Variants in DENND1C observed in about 807,000 individuals in gnomAD.
DENND1C encodes DENN domain-containing protein 1C.
In DENND1C, 64 loss-of-function variants were observed where a neutral mutation model predicts 87.9. The observed-to-expected ratio is 0.73, with a 90% CI of 0.60 to 0.90. The LOEUF is 0.90. Ranked by LOEUF, DENND1C falls within the 40% of genes least tolerant of loss-of-function variation. DENND1C has a pLI of 0.00. For synonymous variants in DENND1C, 384 were observed against 424.4 expected (o/e 0.90, Z 1.17); for missense variants, 980 against 1,037.0 (o/e 0.95, Z 0.76).
intron 1 of DENND1C, chr19:6,480,525 T>TCCAC (rs901126058): frequency 1.3e-5 from 12 of 913,014 alleles, no homozygotes; most frequent in African/African-American, 1.3e-4. Flanking sequence ...CATCCATCCA[T>TCCAC]CCACCCACCC....
In DENND1C at chr19:6,467,353, TAG is replaced by T; in HGVS notation, c.*149_*150del. On this transcript the variant is annotated 3_prime_UTR_variant, in exon 23 of 23. Transcript: ENST00000381480. ...CTGGAATTCCCTGCTAGGAGCCAGT[TAG>T]AGAGGCTGCCCTTGGAGGGACAGAG... 1 of 1,074,136 alleles carries T rather than the reference TAG, an allele frequency of 9.3e-7. No individual in the cohort carries two copies. Among genetic ancestry groups the T allele is most frequent in the Non-Finnish European group, 1.3e-6 (1 of 795,900 alleles). The allele number at this position is 1,074,136 out of a possible 1,614,324, so 66.5% of individuals were successfully genotyped here. A position where few individuals can be genotyped will look rare whatever the true frequency, so the allele number is the denominator to read the frequency against.
chr19:6,474,890 G>C (rs1409178455), intron 14 of DENND1C, among the ~76,000 whole-genome samples: 1 of 152,034 alleles, frequency 6.6e-6, no homozygotes, highest in Non-Finnish European at 1.5e-5. Flanking sequence ...CCAACATGGA[G>C]AAACCCCGTT....
intron 14 of DENND1C, among the ~76,000 whole-genome samples, chr19:6,474,017 A>T (rs1214248180): frequency 6.6e-6 from 1 of 152,092 alleles, no homozygotes; most frequent in Non-Finnish European, 1.5e-5. Flanking sequence ...TAACATGGTG[A>T]AACCCCATCT....
intron 19 of DENND1C, 37 bp downstream of exon 19, chr19:6,469,559 C>T (rs748863980): frequency 1.3e-6 from 2 of 1,586,210 alleles, no homozygotes; most frequent in Non-Finnish European, 1.7e-6. Flanking sequence ...GCTGGGATTA[C>T]AGGGGTGAGC....
At position 6,468,636 on chromosome 19, in the gene DENND1C, G is replaced by A; in HGVS notation, c.1525C>T (p.Leu509Phe). 2 of 1,490,628 alleles carry A rather than the reference G, an allele frequency of 1.3e-6. No individual in the cohort carries two copies. Among genetic ancestry groups the A allele is most frequent in the Non-Finnish European group, 8.9e-7 (1 of 1,123,156 alleles). The allele number at this position is 1,490,628 out of a possible 1,614,324, so 92.3% of individuals were successfully genotyped here. ...AGCTGGCGTCTCCTGCTGGGGCGAA[G>A]GGGCCGGTTCTGCAAAGGGTGGGGG... is the stretch of plus-strand genomic sequence containing the variant. ...ITQHFGKNRPLRPSRRRQLEE... is the reference protein window; with the variant it reads ...ITQHFGKNRPFRPSRRRQLEE... The change falls in exon 21 of 23, where the codon CTT becomes TTT. Residue 509 changes from leucine to phenylalanine, a missense_variant. Leu to Phe is a conservative substitution (Grantham distance 22). Transcript: ENST00000381480.
chr19:6,473,443 G>A (rs4807086), intron 14 of DENND1C, among the ~76,000 whole-genome samples: 77,465 of 148,074 alleles, frequency 0.52, 21,282 homozygotes, highest in Non-Finnish European at 0.62. Flanking sequence ...GTGAGCCACC[G>A]CGCCCAGCCC....
chr19:6,477,435 A>G lies in DENND1C; in HGVS notation c.390T>C (p.Leu130=). ...ACAGGGACTGCTGAAACAGATTTTG[A>G]AGAAGTTCCTCTGCCTCGGTGACCT... ...QDQVTEAEEL[L]QNLFQQSLSG... The change falls in exon 7 of 23, where the codon CTT becomes CTC. Residue 130 remains leucine (L), a synonymous_variant. Transcript: ENST00000381480. 6.2e-7 allele frequency: 1 copy of G among 1,612,898 alleles called. No individual in the cohort carries two copies. The highest frequency in any genetic ancestry group is 8.5e-7 in the Non-Finnish European group (1 of 1,179,578).
At chr19:6,473,816 G>GGGGGGGGGGGGGGGGCAA (rs1231177042) in intron 14 of DENND1C, among the ~76,000 whole-genome samples, 1 of 131,692 alleles carries the variant, frequency 7.6e-6, no homozygotes, top group Non-Finnish European at 1.6e-5. Flanking sequence ...GGGGGGTGGG[G>GGGGGGGGGGGGGGGGCAA]GGAGGGAAAT....
Position 6,469,611 on chromosome 19 carries a change from G to T in DENND1C, c.1392C>A (p.Ser464Arg). 1 of 1,605,208 alleles carries T rather than the reference G, an allele frequency of 6.2e-7. No individual in the cohort carries two copies. The highest frequency in any genetic ancestry group is 8.5e-7 in the Non-Finnish European group (1 of 1,176,348). Residue 464 changes from serine to arginine, a missense_variant, in exon 19 of 23, where the codon AGC becomes AGA. Transcript: ENST00000381480. The stretch of plus-strand genomic sequence containing the variant: ...TTGATCTTACCTTATACATTAGAAG[G>T]CTCTGCACCCCCTTCAAGCCACTCT... ...SAKSGLKGVQSLLMYKDGDSV... is the reference protein window; with the variant it reads ...SAKSGLKGVQRLLMYKDGDSV...
chr19:6,475,124 T>C (rs2092850838), intron 14 of DENND1C, 150 bp downstream of exon 14: 1 of 1,288,386 alleles, frequency 7.8e-7, no homozygotes, highest in Non-Finnish European at 1.1e-6. Context: ...CTTGAACTTC[T>C]GGGCTCAAGC....
chr19:6,479,701 C>A lies in DENND1C; in HGVS notation c.144G>T (p.Val48=). The A allele has an allele frequency of 6.2e-7, 1 of 1,613,922 alleles. No individual in the cohort carries two copies. The highest frequency in any genetic ancestry group is 8.5e-7 in the Non-Finnish European group (1 of 1,179,858). The stretch of plus-strand genomic sequence containing the variant: ...CATCAAAAGGGAAGCAGAATTTAGG[C>A]ACCATCTGCATAGCTTCCTGGAGGT... The part of the protein sequence containing the change: ...DFRDQEAMQM[V]PKFCFPFDVE... Residue 48 remains valine, a synonymous_variant, in exon 4 of 23, where the codon GTG becomes GTT. Transcript: ENST00000381480.
chr19:6,475,204 G>A (rs2092851351), intron 14 of DENND1C, 70 bp downstream of exon 14: 2 of 1,602,624 alleles, frequency 1.2e-6, no homozygotes, highest in Non-Finnish European at 8.5e-7. Context: ...GCCATCTACT[G>A]TACCTATCGT....
chr19:6,477,243 G>A lies in DENND1C; in HGVS notation c.488C>T (p.Pro163Leu). Reference protein sequence around the residue: ...VTVSSGQGIPPPTRGNSKPLS... With the variant: ...VTVSSGQGIPLPTRGNSKPLS... ...CGGCTTGCTATTCCCCCGGGTAGGG[G>A]GGGGGATACCCTGCCCGCTGGAGAC... is the stretch of plus-strand genomic sequence containing the variant. The change falls in exon 8 of 23, where the codon CCC becomes CTC. Residue 163 changes from proline to leucine, a missense_variant. Physicochemically the swap from Pro to Leu is moderately conservative, Grantham distance 98. Transcript: ENST00000381480. 1 of 1,586,030 alleles carries A rather than the reference G, an allele frequency of 6.3e-7. No homozygotes were observed. Among genetic ancestry groups the A allele is most frequent in the Non-Finnish European group, 8.6e-7 (1 of 1,165,176 alleles).
chr19:6,480,923 GTA>G (rs1568403252), intron 1 of DENND1C, among the ~76,000 whole-genome samples: 1 of 151,598 alleles, frequency 6.6e-6, no homozygotes, highest in African/African-American at 2.4e-5. Context: ...ATATTTTCTT[GTA>G]TAGATGTGAG....
At chr19:6,472,177 C>T (rs2092833163) in intron 15 of DENND1C, among the ~76,000 whole-genome samples, 3 of 136,916 alleles carry the variant, frequency 2.2e-5, no homozygotes, top group Non-Finnish European at 1.6e-5. Flanking sequence ...TGTGCCACCC[C>T]GCCCCCCCAC....
chr19:6,477,252 C>G lies in DENND1C; in HGVS notation c.479G>C (p.Gly160Ala). ...GSGVTVSSGQ[G>A]IPPPTRGNSK... ...ATTCCCCCGGGTAGGGGGGGGGATA[C>G]CCTGCCCGCTGGAGACCGTCACTCC... The change falls in exon 8 of 23, where the codon GGT (glycine) becomes GCT (alanine). Residue 160 changes from glycine to alanine, a missense_variant. Physicochemically the swap from Gly to Ala is moderately conservative, Grantham distance 60. Coordinates refer to ENST00000381480, the MANE Select transcript of DENND1C (RefSeq NM_024898.4). 6.3e-7 allele frequency: 1 copy of G among 1,583,714 alleles called. No homozygotes were observed. Among genetic ancestry groups the G allele is most frequent in the Non-Finnish European group, 8.6e-7 (1 of 1,163,026 alleles).
In DENND1C at chr19:6,470,615, T is replaced by G. The variant is rs563595105; in HGVS notation, c.1291-249A>C. ...AGATGGAGTCTCAAAGAACAGTTTTTTTTTGTTTTTTTTTTTTTTTTGCTG... is the reference window on the plus strand; with the variant it reads ...AGATGGAGTCTCAAAGAACAGTTTTGTTTTGTTTTTTTTTTTTTTTTGCTG... On this transcript the variant is annotated intron_variant, in intron 17 of 22. Transcript: ENST00000381480. Among the ~76,000 whole-genome samples, 16 of 125,636 alleles carry G rather than the reference T, an allele frequency of 1.3e-4. No homozygotes were observed. In the East Asian group the frequency reaches 1.6e-3, roughly 12 times the overall value. The allele number at this position is 125,636 out of a possible 152,430, so 82.4% of individuals were successfully genotyped here.
chr19:6,470,059 C>T (rs1047598), intron 18 of DENND1C: 178,858 of 480,876 alleles, frequency 0.37, 38,465 homozygotes, highest in Non-Finnish European at 0.45. Flanking sequence ...TTTAAAGGGG[C>T]CGTGGGCGGG....
rs967213863 is a variant in DENND1C at position 6,479,617 on chromosome 19, C to A, written c.176+52G>T. 2.5e-6 allele frequency: 4 copies of A among 1,611,612 alleles called. No homozygotes were observed. In the East Asian group the frequency reaches 6.7e-5, roughly 27 times the overall value. On this transcript the variant is annotated intron_variant, in intron 4 of 22. Coordinates refer to ENST00000381480, the MANE Select transcript of DENND1C (RefSeq NM_024898.4). Reference sequence around the variant, plus strand: ...GTCTCTAGGTGTTGAGTCCTTGGGGCCCCTGAGAGATCTGAGTCCCTGAGT... The same window carrying A: ...GTCTCTAGGTGTTGAGTCCTTGGGGACCCTGAGAGATCTGAGTCCCTGAGT...
Sources: gnomAD v4.1 joint callset for allele counts (sites outside exome capture counted in the v4.1 genomes callset) on GRCh38, gnomAD v4.1.1 for gene constraint, MANE v1.5 for transcripts, NCBI Gene and HGNC (gene_info 2026-07-23, HGNC 2026-07-21) for gene names.